The following CEP128 variants were observed in gnomAD, a reference collection of about 807,000 sequenced individuals.
CEP128 encodes centrosomal protein 128kDa.
Under a neutral mutation model 156.7 loss-of-function variants are expected in CEP128, and 132 were observed. That is an observed-to-expected ratio of 0.84 (90% CI 0.73 to 0.97). The LOEUF is 0.97. Among genes scored for constraint, CEP128 ranks in the 50% least tolerant of loss-of-function variants. CEP128 has a pLI of 0.00. For synonymous variants in CEP128, 469 were observed against 448.9 expected (o/e 1.04, Z -0.57); for missense variants, 1,252 against 1,281.9 (o/e 0.98, Z 0.36).
intron 21 of CEP128, among the ~76,000 whole-genome samples, chr14:80,554,005 C>A (rs1215781078): frequency 6.6e-6 from 1 of 152,064 alleles, no homozygotes; most frequent in Non-Finnish European, 1.5e-5. Flanking sequence ...TTCCATATGA[C>A]CTTTATCAGA....
At chr14:80,811,639 TTGTG>T (rs1884537045) in intron 13 of CEP128, among the ~76,000 whole-genome samples, 1 of 150,984 alleles carries the variant, frequency 6.6e-6, no homozygotes, top group Non-Finnish European at 1.5e-5. Context: ...AAACCCTAGT[TTGTG>T]TGTTTGTGTG....
chr14:80,813,355 T>C (rs1256105650), intron 13 of CEP128, among the ~76,000 whole-genome samples: 1 of 152,188 alleles, frequency 6.6e-6, no homozygotes, highest in African/African-American at 2.4e-5. Context: ...ACATTTTACA[T>C]TTAAGTCCTT....
chr14:80,680,925 A>T (rs1566853288), intron 19 of CEP128, among the ~76,000 whole-genome samples: 1 of 152,128 alleles, frequency 6.6e-6, no homozygotes, highest in Non-Finnish European at 1.5e-5. Context: ...AGCTCAGACC[A>T]CTGTGCACCC....
chr14:80,668,806 G>A (rs1447062349), intron 19 of CEP128, among the ~76,000 whole-genome samples: 1 of 152,136 alleles, frequency 6.6e-6, no homozygotes, highest in Non-Finnish European at 1.5e-5. Context: ...GGGACCCGTG[G>A]GAGGTAATTG....
intron 19 of CEP128, among the ~76,000 whole-genome samples, chr14:80,696,089 G>A (rs1896884054): frequency 6.6e-6 from 1 of 152,110 alleles, no homozygotes; most frequent in African/African-American, 2.4e-5. Context: ...ACGCGGTAGA[G>A]GAGGTGCATT....
At chr14:80,872,053 C>G (rs919359531) in intron 8 of CEP128, among the ~76,000 whole-genome samples, 1 of 152,114 alleles carries the variant, frequency 6.6e-6, no homozygotes, top group South Asian at 2.1e-4. Flanking sequence ...TTCTTATAAA[C>G]TCTATTAATG....
intron 19 of CEP128, among the ~76,000 whole-genome samples, chr14:80,658,128 T>A (rs1316000220): frequency 6.6e-6 from 1 of 152,106 alleles, no homozygotes; most frequent in South Asian, 2.1e-4. Context: ...ATGAAAAAAA[T>A]TAAGAGTTAA....
At chr14:80,581,016 G>C (rs1891569127) in intron 19 of CEP128, among the ~76,000 whole-genome samples, 2 of 152,124 alleles carry the variant, frequency 1.3e-5, no homozygotes, top group Non-Finnish European at 2.9e-5. Flanking sequence ...CTAAGAGTTT[G>C]GCACCATCCC....
At chr14:80,574,204 G>A (rs995945643) in intron 20 of CEP128, among the ~76,000 whole-genome samples, 3 of 152,070 alleles carry the variant, frequency 2.0e-5, no homozygotes, top group African/African-American at 7.2e-5. Flanking sequence ...AAGAAAATGG[G>A]AATTTCTGGG....
At chr14:80,660,458 A>T (rs1443544555) in intron 19 of CEP128, among the ~76,000 whole-genome samples, 1 of 152,206 alleles carries the variant, frequency 6.6e-6, no homozygotes, top group Non-Finnish European at 1.5e-5. Context: ...ATATAAAGTT[A>T]GATCTCTTAT....
intron 2 of CEP128, among the ~76,000 whole-genome samples, chr14:80,938,245 A>ATTTTT (rs35236692): frequency 0.025 from 2,877 of 116,852 alleles, 190 homozygotes; most frequent in Admixed American, 0.087. Context: ...CAGTGTTAGT[A>ATTTTT]TTTTTTTTTT....
At chr14:80,875,576 T>C (rs1256637914) in intron 8 of CEP128, among the ~76,000 whole-genome samples, 4 of 152,174 alleles carry the variant, frequency 2.6e-5, no homozygotes, top group African/African-American at 7.2e-5. Flanking sequence ...ATTGATGATT[T>C]TGGAAAACAA....
At chr14:80,922,893 G>GT (rs1393236937) in intron 2 of CEP128, among the ~76,000 whole-genome samples, 1 of 152,192 alleles carries the variant, frequency 6.6e-6, no homozygotes, top group African/African-American at 2.4e-5. Flanking sequence ...GCTGAGAAAG[G>GT]TATTTCTTTC....
intron 8 of CEP128, among the ~76,000 whole-genome samples, chr14:80,892,293 A>G (rs1403863019): frequency 6.6e-6 from 1 of 152,030 alleles, no homozygotes; most frequent in Non-Finnish European, 1.5e-5. Context: ...AGGGGCACCA[A>G]TAGGATACAA....
chr14:80,590,219 A>G (rs1438630732), intron 19 of CEP128, among the ~76,000 whole-genome samples: 2 of 152,148 alleles, frequency 1.3e-5, no homozygotes, highest in East Asian at 3.8e-4. Context: ...AAAATTTCCA[A>G]ATTTTCATAA....
chr14:80,698,301 CCTAA>C (rs1309996071), intron 19 of CEP128, among the ~76,000 whole-genome samples: 1 of 151,656 alleles, frequency 6.6e-6, no homozygotes, highest in African/African-American at 2.4e-5. Flanking sequence ...AAACTATTTA[CCTAA>C]CTATCTAAAT....
At chr14:80,880,390 C>T (rs1421718714) in intron 8 of CEP128, among the ~76,000 whole-genome samples, 1 of 152,024 alleles carries the variant, frequency 6.6e-6, no homozygotes, top group African/African-American at 2.4e-5. Context: ...TGAAGAAAAA[C>T]TGAAAGCTTT....
intron 21 of CEP128, among the ~76,000 whole-genome samples, chr14:80,549,144 G>A (rs1890109661): frequency 6.6e-6 from 1 of 152,168 alleles, no homozygotes; most frequent in Non-Finnish European, 1.5e-5. Flanking sequence ...AAAGGAGAAT[G>A]TCTAGATTGT....
At chr14:80,687,867 C>A (rs1040534711) in intron 19 of CEP128, among the ~76,000 whole-genome samples, 4 of 152,162 alleles carry the variant, frequency 2.6e-5, no homozygotes, top group African/African-American at 9.7e-5. Context: ...AAACATCTTA[C>A]TCTTTAAAAA....
Sources: gnomAD v4.1 joint callset for allele counts (sites outside exome capture counted in the v4.1 genomes callset) on GRCh38, gnomAD v4.1.1 for gene constraint, MANE v1.5 for transcripts, NCBI Gene and HGNC (gene_info 2026-07-23, HGNC 2026-07-21) for gene names.